The following KLHDC3 variants were observed in gnomAD, a reference collection of about 807,000 sequenced individuals.
The protein encoded by KLHDC3 is kelch domain-containing protein 3.
A neutral mutation model predicts 44.1 loss-of-function variants in KLHDC3; 5 were observed. The ratio of observed to expected loss-of-function variants is 0.11; its 90% CI spans 0.06 to 0.24. KLHDC3 has a LOEUF of 0.24. Ranked by LOEUF, KLHDC3 falls within the 10% of genes least tolerant of loss-of-function variation. KLHDC3 has a pLI of 1.00. For missense variants in KLHDC3, 247 were observed against 514.3 expected (o/e 0.48, Z 5.03); for synonymous variants, 170 against 189.0 (o/e 0.90, Z 0.82).
chr6:43,017,152 C>T lies in KLHDC3; in HGVS notation c.-41C>T, dbSNP rs201445165. On this transcript the variant is annotated 5_prime_UTR_variant, in exon 2 of 11. Transcript: ENST00000326974. This position sits in a 1 kb window ranked among gnomAD's most constrained non-coding sequence, Gnocchi z 6.0. ...TGTGCAGATAGCAGAGGCAGCAGGC[C>T]GTGCCGGGGGGGCATGTTGCTGTAA... The T allele has an allele frequency of 2.6e-5, 42 of 1,593,136 alleles. No individual in the cohort carries two copies. Among genetic ancestry groups the T allele is most frequent in the East Asian group, 4.5e-5 (2 of 44,760 alleles).
In KLHDC3 at chr6:43,018,997, C is replaced by G. The variant is rs376501151; in HGVS notation, c.929+26C>G. On this transcript the variant is annotated intron_variant, in intron 8 of 10. Coordinates refer to ENST00000326974, the MANE Select transcript of KLHDC3 (RefSeq NM_057161.4). This position sits in a 1 kb window ranked among gnomAD's most constrained non-coding sequence, Gnocchi z 6.0. ...GTTAGAAGGAGAGAGGGAAGGGGCT[C>G]AGGGAAGTCACTAATGGGAGAGTGG... The G allele has an allele frequency of 1.7e-4, 276 of 1,578,936 alleles. No individual in the cohort carries two copies. The highest frequency in any genetic ancestry group is 1.6e-4 in the Non-Finnish European group (188 of 1,150,818).
chr6:43,021,171 ACCT>A lies in KLHDC3; in HGVS notation c.*442_*444del, dbSNP rs1253629222. On this transcript the variant is annotated 3_prime_UTR_variant, in exon 11 of 11. Coordinates refer to ENST00000326974, the MANE Select transcript of KLHDC3 (RefSeq NM_057161.4). ...AAGGAGTTGCAGCTGTTGGCATGAG[ACCT>A]CCTTCTCCCCGTCTTGGGGAGGTGG... The A allele has an allele frequency of 3.5e-5, 16 of 456,398 alleles. No homozygotes were observed. In the Admixed American group the frequency reaches 3.8e-4, roughly 11 times the overall value. The allele number at this position is 456,398 out of a possible 1,614,324, so 28.3% of individuals were successfully genotyped here.
chr6:43,014,974 G>T (rs1762525715), intron 1 of KLHDC3, among the ~76,000 whole-genome samples: 1 of 152,150 alleles, frequency 6.6e-6, no homozygotes, highest in Non-Finnish European at 1.5e-5. Context: ...AGCGCCTGGG[G>T]GCTTGTTCTC....
chr6:43,018,540 C>T lies in KLHDC3; in HGVS notation c.717C>T (p.Arg239=). The stretch of plus-strand genomic sequence containing the variant: ...CGACTCCAGTGCTGCCTGAGGGGCG[C>T]CGGAGCCACTCGGCCTGTGAGTGTT... ...CPPTPVLPEG[R]RSHSAFGYNG... is the part of the protein sequence containing the mutation. The change falls in exon 6 of 11, where the codon CGC becomes CGT. Residue 239 remains arginine, a synonymous_variant. Transcript: ENST00000326974. This position sits in a 1 kb window ranked among gnomAD's most constrained non-coding sequence, Gnocchi z 6.0. 6.2e-7 allele frequency: 1 copy of T among 1,614,054 alleles called. No individual in the cohort carries two copies.
chr6:43,019,412 G>A, intron 10 of KLHDC3, 46 bp downstream of exon 10: 1 of 1,346,430 alleles, frequency 7.4e-7, no homozygotes, highest in Non-Finnish European at 1.1e-6. Context: ...GGGTGAGTGA[G>A]CAGCACAGGT....
chr6:43,020,837 C>T lies in KLHDC3; in HGVS notation c.*104C>T. ...TTTGACCCCTGGACTTGGTATACCT[C>T]CATGTGGAGTTGTTGGGCGAGAGGT... On this transcript the variant is annotated 3_prime_UTR_variant, in exon 11 of 11. Transcript: ENST00000326974. 3.4e-6 allele frequency: 3 copies of T among 886,628 alleles called. No homozygotes were observed. The allele number at this position is 886,628 out of a possible 1,614,324, so 54.9% of individuals were successfully genotyped here. A position where few individuals can be genotyped will look rare whatever the true frequency, so the allele number is the denominator to read the frequency against.
At chr6:43,014,384 A>T in intron 1 of KLHDC3, 36 bp downstream of exon 1, 5 of 444,568 alleles carry the variant, frequency 1.1e-5, no homozygotes, top group Admixed American at 2.7e-5. Context: ...AGGGAGAATT[A>T]GGGGGCTTAG....
Position 43,018,441 on chromosome 6 carries a change from T to G in KLHDC3, c.618T>G (p.His206Gln). 6.2e-7 allele frequency: 1 copy of G among 1,614,168 alleles called. No homozygotes were observed. The highest frequency in any genetic ancestry group is 8.5e-7 in the Non-Finnish European group (1 of 1,180,014). Residue 206 changes from histidine to glutamine, a missense_variant, in exon 6 of 11, where the codon CAT (histidine) becomes CAG (glutamine). This residue lies in a region of KLHDC3 where 176 missense variants were observed against 413.5 expected (regional missense o/e 0.43). Transcript: ENST00000326974. This position sits in a 1 kb window ranked among gnomAD's most constrained non-coding sequence, Gnocchi z 6.0. ...GGRADRFGPF[H>Q]SNNEIYCNRI... ...GTGCCGACCGCTTTGGGCCATTCCATTCCAACAATGAGATTTACTGCAACC... is the reference window on the plus strand; with the variant it reads ...GTGCCGACCGCTTTGGGCCATTCCAGTCCAACAATGAGATTTACTGCAACC...
rs1280802938 is a variant in KLHDC3 at position 43,017,841 on chromosome 6, C to T, written c.332-12C>T. 2 of 1,610,338 alleles carry T rather than the reference C, an allele frequency of 1.2e-6. No homozygotes were observed. Among genetic ancestry groups the T allele is most frequent in the Non-Finnish European group, 1.7e-6 (2 of 1,177,256 alleles). ...AGGGTGCTTAGTTGAGCCATTTTCT[C>T]ATCTCCTTCAGATACGCACAAGTGG... On this transcript the variant is annotated splice_polypyrimidine_tract_variant and intron_variant, in intron 3 of 10. Coordinates refer to ENST00000326974, the MANE Select transcript of KLHDC3 (RefSeq NM_057161.4). The surrounding 1 kb of genome is among the most constrained non-coding windows in gnomAD (Gnocchi z 6.0).
Position 43,017,762 on chromosome 6 carries a change from G to A in KLHDC3, c.331+67G>A. The A allele has an allele frequency of 6.3e-7, 1 of 1,598,234 alleles. No homozygotes were observed. Reference sequence around the variant, plus strand: ...GCCTCAGTTGCCCAAGAAAGGTTTGGGTTGGGGGTCTTGGGGAGTAGAGTA... The same window carrying A: ...GCCTCAGTTGCCCAAGAAAGGTTTGAGTTGGGGGTCTTGGGGAGTAGAGTA... On this transcript the variant is annotated intron_variant, in intron 3 of 10. Transcript: ENST00000326974. The surrounding 1 kb of genome is among the most constrained non-coding windows in gnomAD (Gnocchi z 6.0).
rs781502042 is a variant in KLHDC3, at chr6:43,018,605, A to G, written c.734-28A>G. 3.7e-6 allele frequency: 6 copies of G among 1,611,944 alleles called. No individual in the cohort carries two copies. Among genetic ancestry groups the G allele is most frequent in the Non-Finnish European group, 5.1e-6 (6 of 1,178,552 alleles). On this transcript the variant is annotated intron_variant, in intron 6 of 10. Transcript: ENST00000326974. The surrounding 1 kb of genome is among the most constrained non-coding windows in gnomAD (Gnocchi z 6.0). ...GGAGTTCCCTTCCTGCCCTCTTCAC[A>G]CTCCTGACACTTCCTCTCTCCTTCC...
rs1053573487 is a variant in KLHDC3, at chr6:43,021,201, G to A, written c.*468G>A. ...CTTCTCCCCGTCTTGGGGAGGTGGGGACCAGCAGATAAATCCCACCCTTCC... is the reference window on the plus strand; with the variant it reads ...CTTCTCCCCGTCTTGGGGAGGTGGGAACCAGCAGATAAATCCCACCCTTCC... On this transcript the variant is annotated 3_prime_UTR_variant, in exon 11 of 11. Transcript: ENST00000326974. The A allele has an allele frequency of 2.4e-5, 10 of 423,494 alleles. No homozygotes were observed. Among genetic ancestry groups the A allele is most frequent in the Non-Finnish European group, 4.3e-5 (9 of 210,210 alleles). The allele number at this position is 423,494 out of a possible 1,614,324, so 26.2% of individuals were successfully genotyped here.
chr6:43,019,476 T>G, intron 10 of KLHDC3, 110 bp downstream of exon 10: 1 of 747,594 alleles, frequency 1.3e-6, no homozygotes, highest in Non-Finnish European at 2.4e-6. Flanking sequence ...TTTGTTCTGC[T>G]GGAGATGTAG....
Position 43,017,072 on chromosome 6 carries a change from G to C in KLHDC3, c.-59-62G>C, listed in dbSNP as rs1287031882. On this transcript the variant is annotated intron_variant, in intron 1 of 10. Coordinates refer to ENST00000326974, the MANE Select transcript of KLHDC3 (RefSeq NM_057161.4). The surrounding 1 kb of genome is among the most constrained non-coding windows in gnomAD (Gnocchi z 6.0). ...TGGAGGCAAAGGCTGGTTCTGGGCAGAGTCACAGTGAGCTGGGCAGAAGCC... is the reference window on the plus strand; with the variant it reads ...TGGAGGCAAAGGCTGGTTCTGGGCACAGTCACAGTGAGCTGGGCAGAAGCC... 1.7e-6 allele frequency: 2 copies of C among 1,188,984 alleles called. No individual in the cohort carries two copies. Among genetic ancestry groups the C allele is most frequent in the African/African-American group, 3.0e-5 (2 of 66,458 alleles). 73.7% of individuals were successfully genotyped at this position (1,188,984 alleles called of 1,614,324 possible).
At chr6:43,015,852 T>TAAAAA (rs561042959) in intron 1 of KLHDC3, among the ~76,000 whole-genome samples, 2 of 100,562 alleles carry the variant, frequency 2.0e-5, no homozygotes, top group African/African-American at 3.8e-5. Context: ...AGACTTCATC[T>TAAAAA]AAAAAAAAAA....
At chr6:43,016,387 A>G (rs1042212079) in intron 1 of KLHDC3, 3 of 152,202 alleles carry the variant, frequency 2.0e-5, no homozygotes, top group African/African-American at 7.2e-5. Context: ...CCCTCCCTCT[A>G]TCACCATCCC....
rs1762675793 is a variant in KLHDC3 at position 43,020,844 on chromosome 6, GA to G, written c.*112del. The G allele has an allele frequency of 1.2e-6, 1 of 843,012 alleles. No homozygotes were observed. The highest frequency in any genetic ancestry group is 2.0e-6 in the Non-Finnish European group (1 of 492,640). The allele number at this position is 843,012 out of a possible 1,614,324, so 52.2% of individuals were successfully genotyped here. A position where few individuals can be genotyped will look rare whatever the true frequency, so the allele number is the denominator to read the frequency against. On this transcript the variant is annotated 3_prime_UTR_variant, in exon 11 of 11. Transcript: ENST00000326974. ...CCTGGACTTGGTATACCTCCATGTG[GA>G]GTTGTTGGGCGAGAGGTGTTCTCTG...
chr6:43,017,685 C>T lies in KLHDC3; in HGVS notation c.321C>T (p.Ala107=), dbSNP rs572023158. The change falls in exon 3 of 11, where the codon GCC becomes GCT. Residue 107 remains alanine (A), a synonymous_variant. Transcript: ENST00000326974. The surrounding 1 kb of genome is among the most constrained non-coding windows in gnomAD (Gnocchi z 6.0). ...DTEGACNVLY[A]FDVNTHKWFT... Reference sequence around the variant, plus strand: ...AAGGGGCCTGCAATGTGCTCTATGCCTTTGACGTCAGTGAGTATGGATCTC... The same window carrying T: ...AAGGGGCCTGCAATGTGCTCTATGCTTTTGACGTCAGTGAGTATGGATCTC... 4 of 1,611,338 alleles carry T rather than the reference C, an allele frequency of 2.5e-6. No homozygotes were observed. In the East Asian group the frequency reaches 6.7e-5, roughly 27 times the overall value.
rs1457060012 is a variant in KLHDC3, at chr6:43,018,831, G to C, written c.821-32G>C. ...GTGGGGAAGATACCTGGACTAGGCA[G>C]GTATTGAACTTCCATATAAATTTCT... On this transcript the variant is annotated intron_variant, in intron 7 of 10. Transcript: ENST00000326974. The surrounding 1 kb of genome is among the most constrained non-coding windows in gnomAD (Gnocchi z 6.0). 1 of 1,564,732 alleles carries C rather than the reference G, an allele frequency of 6.4e-7. No individual in the cohort carries two copies. The highest frequency in any genetic ancestry group is 8.8e-7 in the Non-Finnish European group (1 of 1,136,716).
Sources: allele counts gnomAD v4.1 joint callset (sites outside exome capture counted in the v4.1 genomes callset), GRCh38; gene constraint gnomAD v4.1.1; regional missense constraint gnomAD v4.1.1; non-coding constraint Gnocchi (gnomAD v3.1); transcripts MANE v1.5; gene names NCBI Gene and HGNC (gene_info 2026-07-23, HGNC 2026-07-21).